Variants in MID1 observed in about 807,000 individuals in gnomAD.
The protein encoded by MID1 is midline 1.
In MID1, 7 loss-of-function variants were observed where a neutral mutation model predicts 40.4. The observed-to-expected ratio is 0.17, with a 90% confidence interval of 0.10 to 0.33. The LOEUF (loss-of-function observed/expected upper bound fraction) is 0.33. Ranked by LOEUF, MID1 falls within the 10% of genes least tolerant of loss-of-function variation. MID1 has a pLI of 1.00. For missense variants in MID1, 367 were observed against 558.5 expected, an observed-to-expected ratio of 0.66 and a Z score of 3.46; for synonymous variants, 229 against 221.2, an observed-to-expected ratio of 1.04 and a Z score of -0.31.
At chrX:10,574,324 G>T (rs1378625473) in intron 1 of MID1, among the ~76,000 whole-genome samples, 1 of 111,713 alleles carries the variant, frequency 9.0e-6, no homozygotes, top group Non-Finnish European at 1.9e-5. Flanking sequence ...AGGAATGCAG[G>T]CTAGAAGCTG....
chrX:10,679,730 C>T (rs1456914413), intron 1 of MID1, among the ~76,000 whole-genome samples: 2 of 111,801 alleles, frequency 1.8e-5, no homozygotes, highest in South Asian at 3.8e-4. Context: ...GATAGACTTC[C>T]GTGGTTTCTA....
chrX:10,549,215 T>C (rs1231464916), intron 2 of MID1, among the ~76,000 whole-genome samples: 3 of 112,892 alleles, frequency 2.7e-5, no homozygotes, highest in East Asian at 2.8e-4. Context: ...AGACTATGAG[T>C]ACCTATGCTA....
chrX:10,705,106 A>G (rs763812855), intron 1 of MID1, among the ~76,000 whole-genome samples: 1 of 112,136 alleles, frequency 8.9e-6, no homozygotes, highest in African/African-American at 3.2e-5. Context: ...TAAAGAAAAA[A>G]GAAGATAATA....
intron 1 of MID1, among the ~76,000 whole-genome samples, chrX:10,657,157 A>G (rs1241415167): frequency 1.8e-5 from 2 of 111,369 alleles, no homozygotes; most frequent in African/African-American, 6.5e-5. Flanking sequence ...CTCAGATAGG[A>G]TATCTCTGAG....
At chrX:10,782,134 G>A (rs576673877) in intron 1 of MID1, among the ~76,000 whole-genome samples, 29 of 112,143 alleles carry the variant, frequency 2.6e-4, no homozygotes, top group Middle Eastern at 4.6e-3. Flanking sequence ...GGTGCTTCTT[G>A]AATTTCATAT....
rs777983722 is a variant in MID1, at chrX:10,830,135, C to T, written c.-187+3419G>A. 3.6e-5 allele frequency among the ~76,000 whole-genome samples: 4 copies of T among 112,561 alleles called. No individual in the cohort carries two copies. The South Asian group carries it at 1.5e-3, about 41-fold the overall frequency. On this transcript the variant is annotated intron_variant, in intron 1 of 10. Transcript: ENST00000380785. ...TTTATTGGCATCTACCTGGCATTAT[C>T]TGACATGGAGATCATCTGGTCAGTG...
chrX:10,570,190 C>T (rs1224826798), intron 1 of MID1, among the ~76,000 whole-genome samples: 1 of 111,491 alleles, frequency 9.0e-6, no homozygotes, highest in East Asian at 2.8e-4. Flanking sequence ...AGCACATGGC[C>T]TCGTTCTGAC....
chrX:10,775,031 G>GT (rs200292664), intron 1 of MID1, among the ~76,000 whole-genome samples: 2,239 of 106,650 alleles, frequency 0.021, 80 homozygotes, highest in African/African-American at 0.073. Flanking sequence ...TAATCAGTGG[G>GT]TTTTTTGGAG....
intron 1 of MID1, among the ~76,000 whole-genome samples, chrX:10,689,715 TCTTCCTCTCCC>T (rs1415863601): frequency 2.8e-5 from 3 of 108,838 alleles, no homozygotes; most frequent in Non-Finnish European, 5.7e-5. Context: ...TTTTTTTACC[TCTTCCTCTCCC>T]CTTCCAAATG....
At chrX:10,627,013 G>A (rs748002625) in intron 1 of MID1, among the ~76,000 whole-genome samples, 1 of 112,161 alleles carries the variant, frequency 8.9e-6, no homozygotes, top group South Asian at 3.8e-4. Context: ...CCAGTTGAAA[G>A]TGATTGTCCC....
At chrX:10,466,700 T>C (rs1308221656) in intron 7 of MID1, among the ~76,000 whole-genome samples, 1 of 111,334 alleles carries the variant, frequency 9.0e-6, no homozygotes, top group Non-Finnish European at 1.9e-5. Context: ...TATGAAGGAG[T>C]GACTATTTAG....
chrX:10,562,182 G>A (rs1284150931), intron 2 of MID1, among the ~76,000 whole-genome samples: 1 of 104,374 alleles, frequency 9.6e-6, no homozygotes, highest in Non-Finnish European at 1.9e-5. Context: ...AGAACACATG[G>A]ACACAGGGAG....
At chrX:10,570,112 C>T (rs1934680782) in intron 1 of MID1, among the ~76,000 whole-genome samples, 1 of 111,907 alleles carries the variant, frequency 8.9e-6, no homozygotes, top group Non-Finnish European at 1.9e-5. Flanking sequence ...ATAAACCAGC[C>T]CCAGAAAACA....
At chrX:10,568,180 T>G (rs1569109025) in intron 1 of MID1, among the ~76,000 whole-genome samples, 1 of 111,820 alleles carries the variant, frequency 8.9e-6, no homozygotes, top group Non-Finnish European at 1.9e-5. Flanking sequence ...CGTGTTTAAG[T>G]GTGGGATGTC....
rs896416028 is a variant in MID1 at position 10,777,136 on chromosome X, T to A, written c.-187+56418A>T. On this transcript the variant is annotated intron_variant, in intron 1 of 10. Coordinates refer to the MID1 transcript ENST00000380785. Reference sequence around the variant, plus strand: ...GGAGCTGTCAAGTCTACCTGGGGAGTGAGGCAAGGTTTCACTGAGGAAAAA... The same window carrying A: ...GGAGCTGTCAAGTCTACCTGGGGAGAGAGGCAAGGTTTCACTGAGGAAAAA... 5.3e-5 allele frequency among the ~76,000 whole-genome samples: 6 copies of A among 112,232 alleles called. No homozygotes were observed. The Admixed American group carries it at 5.7e-4, about 11-fold the overall frequency.
chrX:10,447,322 T>A lies in MID1; in HGVS notation c.*2046A>T, dbSNP rs1192723741. On this transcript the variant is annotated 3_prime_UTR_variant, in exon 10 of 10. Coordinates refer to ENST00000317552, the MANE Select transcript of MID1 (RefSeq NM_000381.4). ...TACTAAGTGTTTTATGTTAACATCA[T>A]AAGGCAAACTGTAGCATTTATTGGT... The A allele has an allele frequency of 8.9e-6, 1 of 112,005 alleles. No homozygotes were observed. The highest frequency in any genetic ancestry group is 1.9e-5 in the Non-Finnish European group (1 of 53,240). The allele number at this position is 112,005 out of a possible 1,213,427, so 9.2% of individuals were successfully genotyped here. A position where few individuals can be genotyped will look rare whatever the true frequency, so the allele number is the denominator to read the frequency against.
chrX:10,640,588 C>T (rs1347146399), intron 1 of MID1, among the ~76,000 whole-genome samples: 1 of 111,236 alleles, frequency 9.0e-6, no homozygotes, highest in East Asian at 2.8e-4. Context: ...ACCCCACTGT[C>T]AACATTAGAC....
intron 1 of MID1, among the ~76,000 whole-genome samples, chrX:10,815,475 G>C (rs1405560737): frequency 8.9e-6 from 1 of 112,642 alleles, no homozygotes; most frequent in Non-Finnish European, 1.9e-5. Context: ...GATGTCATGA[G>C]CTCACATGTC....
At chrX:10,714,871 G>A (rs775697489) in intron 1 of MID1, among the ~76,000 whole-genome samples, 3 of 111,926 alleles carry the variant, frequency 2.7e-5, no homozygotes, top group Non-Finnish European at 3.8e-5. Flanking sequence ...GTAGAATGCC[G>A]AGCTTTGTTT....
Sources: gnomAD v4.1 joint callset for allele counts (sites outside exome capture counted in the v4.1 genomes callset) on GRCh38, gnomAD v4.1.1 for gene constraint, MANE v1.5 for transcripts, NCBI Gene and HGNC (gene_info 2026-07-23, HGNC 2026-07-21) for gene names.